PLEKHG5: variants seen among roughly 807,000 people sequenced by gnomAD.
PLEKHG5 encodes the protein pleckstrin homology and RhoGEF domain containing G5.
In PLEKHG5, 52 loss-of-function variants were observed where a neutral mutation model predicts 103.8. That is an observed-to-expected ratio of 0.50 (90% confidence interval 0.40 to 0.63). The LOEUF (loss-of-function observed/expected upper bound fraction) is 0.63. Ranked by LOEUF, PLEKHG5 falls within the 30% of genes least tolerant of loss-of-function variation. PLEKHG5 has a pLI of 0.00. For missense variants in PLEKHG5, 1,205 were observed against 1,347.6 expected, an observed-to-expected ratio of 0.89 and a Z score of 1.66; for synonymous variants, 592 against 575.5, an observed-to-expected ratio of 1.03 and a Z score of -0.41.
At chr1:6,478,981 G>A (rs1043790756) in intron 1 of PLEKHG5, among the ~76,000 whole-genome samples, 1 of 152,068 alleles carries the variant, frequency 6.6e-6, no homozygotes, top group Non-Finnish European at 1.5e-5. Flanking sequence ...AAAATTATAA[G>A]AATAGCACAT....
chr1:6,469,122 T>TTCCTCCTCCTCCTCC lies in PLEKHG5; in HGVS notation c.2154_2168dup (p.Glu719_Glu723dup). ...CAGCTGAAGTGCCACTGTCCTCGCC[T>TTCCTCCTCCTCCTCC]TCCTCCTCCTCCTCCTCCTCCTCCT... On this transcript the variant is annotated inframe_insertion, in exon 19 of 21. Transcript: ENST00000377728. 6.3e-7 allele frequency: 1 copy of TTCCTCCTCCTCCTCC among 1,590,450 alleles called. No homozygotes were observed. The highest frequency in any genetic ancestry group is 1.1e-5 in the South Asian group (1 of 90,466).
intron 1 of PLEKHG5, among the ~76,000 whole-genome samples, chr1:6,489,965 T>A (rs1645116421): frequency 6.6e-6 from 1 of 152,148 alleles, no homozygotes; most frequent in African/African-American, 2.4e-5. Flanking sequence ...CCTCCCCGGA[T>A]TCACGGGTCT....
intron 3 of PLEKHG5, 38 bp from the exon 4 acceptor site, chr1:6,475,560 G>C (rs1477121405): frequency 1.3e-6 from 2 of 1,582,626 alleles, no homozygotes; most frequent in African/African-American, 2.7e-5. Context: ...TGGAGGTGTG[G>C]GTGGCCCTCG....
At chr1:6,511,335 A>G (rs1638465629) in intron 1 of PLEKHG5, among the ~76,000 whole-genome samples, 1 of 152,146 alleles carries the variant, frequency 6.6e-6, no homozygotes, top group African/African-American at 2.4e-5. Flanking sequence ...TGGACCAAAG[A>G]GGACAGGCAC....
intron 1 of PLEKHG5, among the ~76,000 whole-genome samples, chr1:6,484,445 C>T (rs1349295733): frequency 2.6e-5 from 4 of 152,214 alleles, no homozygotes; most frequent in African/African-American, 7.2e-5. Flanking sequence ...AGGTGGTTTC[C>T]GACTTCGTCG....
intron 1 of PLEKHG5, among the ~76,000 whole-genome samples, chr1:6,513,117 C>A (rs1570007858): frequency 6.6e-6 from 1 of 152,248 alleles, no homozygotes; most frequent in Non-Finnish European, 1.5e-5. Context: ...CTGTGGAGCT[C>A]CCCTCGCTCC....
intron 10 of PLEKHG5, 29 bp from the exon 11 acceptor site, chr1:6,471,837 G>A (rs1266411777): frequency 1.3e-6 from 2 of 1,586,870 alleles, no homozygotes; most frequent in Non-Finnish European, 1.7e-6. Flanking sequence ...GTGTGACTGG[G>A]GTCGGGAGGC....
At chr1:6,518,453 G>A (rs1453727905) in intron 1 of PLEKHG5, among the ~76,000 whole-genome samples, 2 of 151,246 alleles carry the variant, frequency 1.3e-5, no homozygotes, top group Admixed American at 6.6e-5. Context: ...CCAGCTACTC[G>A]GGAGGCTGAG....
At chr1:6,494,199 C>T (rs1298015583), upstream of PLEKHG5, among the ~76,000 whole-genome samples, 3 of 140,254 alleles carry the variant, frequency 2.1e-5, no homozygotes, top group Non-Finnish European at 4.5e-5. Context: ...GGCATGATCT[C>T]AGTTCACTGC....
In PLEKHG5 at chr1:6,467,860, C is replaced by G; in HGVS notation, c.2976G>C (p.Arg992Ser). 2.5e-6 allele frequency: 4 copies of G among 1,613,110 alleles called. No homozygotes were observed. Among genetic ancestry groups the G allele is most frequent in the Non-Finnish European group, 3.4e-6 (4 of 1,179,818 alleles). Residue 992 changes from arginine (R) to serine (S), a missense_variant, in exon 20 of 21, where the codon AGG becomes AGC. Physicochemically the swap from Arg to Ser is moderately radical, Grantham distance 110. Transcript: ENST00000377728. ...KLTLAQLYRI[R>S]TTLLLNSTLT... ...GCGTGGAGTTAAGCAGCAGGGTGGTCCTGATTCGGTAGAGCTGGGCCAGGG... is the reference window on the plus strand; with the variant it reads ...GCGTGGAGTTAAGCAGCAGGGTGGTGCTGATTCGGTAGAGCTGGGCCAGGG...
intron 14 of PLEKHG5, 36 bp downstream of exon 14, chr1:6,470,699 G>A (rs777909467): frequency 1.3e-6 from 2 of 1,552,418 alleles, no homozygotes; most frequent in Non-Finnish European, 8.7e-7. Flanking sequence ...AGAGAGCCGC[G>A]CAGGGGGGAC....
At chr1:6,470,707 G>A (rs75081587) in intron 14 of PLEKHG5, 28 bp downstream of exon 14, 3 of 1,551,222 alleles carry the variant, frequency 1.9e-6, no homozygotes, top group African/African-American at 2.7e-5. Context: ...GCGCAGGGGG[G>A]ACGGCTCCCG....
upstream of PLEKHG5, among the ~76,000 whole-genome samples, chr1:6,495,311 T>C (rs1187915845): frequency 6.6e-6 from 1 of 152,160 alleles, no homozygotes; most frequent in Non-Finnish European, 1.5e-5. Context: ...CCACGGCAAC[T>C]GGAGGCCGCC....
upstream of PLEKHG5, among the ~76,000 whole-genome samples, chr1:6,498,388 A>C (rs1224190436): frequency 6.6e-6 from 1 of 152,004 alleles, no homozygotes; most frequent in African/African-American, 2.4e-5. Context: ...CTCACAGGTG[A>C]CCAGAAACTG....
Position 6,490,818 on chromosome 1 carries a change from G to A in PLEKHG5, c.-88+819C>T, listed in dbSNP as rs1382483252. 6.6e-6 allele frequency among the ~76,000 whole-genome samples: 1 copy of A among 152,160 alleles called. No individual in the cohort carries two copies. Among genetic ancestry groups the A allele is most frequent in the Non-Finnish European group, 1.5e-5 (1 of 68,024 alleles). ...GTCCCCGAGGGGCCAGCCCTTTGCA[G>A]ATCTCCAAAAAGTTCAAAGTCCCTG... On this transcript the variant is annotated intron_variant, in intron 1 of 20. Coordinates refer to ENST00000377728, the MANE Select transcript of PLEKHG5 (RefSeq NM_020631.6). The surrounding 1 kb of genome is among the most constrained non-coding windows in gnomAD (Gnocchi z 8.0).
In PLEKHG5 at chr1:6,477,524, C is replaced by T; in HGVS notation, c.43+5G>A. On this transcript the variant is annotated splice_donor_5th_base_variant and intron_variant, in intron 2 of 20. Coordinates refer to ENST00000377728, the MANE Select transcript of PLEKHG5 (RefSeq NM_020631.6). The stretch of plus-strand genomic sequence containing the variant: ...GGCCGAGCTGCGGCTCCCGCCTGTG[C>T]TCACCTTGTGGGGGAAGGTCGAAGC... The T allele has an allele frequency of 1.9e-6, 3 of 1,611,310 alleles. No homozygotes were observed. The highest frequency in any genetic ancestry group is 2.5e-6 in the Non-Finnish European group (3 of 1,179,910).
upstream of PLEKHG5, among the ~76,000 whole-genome samples, chr1:6,500,298 C>G (rs1645280967): frequency 6.6e-6 from 1 of 152,142 alleles, no homozygotes; most frequent in Non-Finnish European, 1.5e-5. Context: ...AAAAGGGGAG[C>G]AGCCCCTCAG....
rs915911016 is a variant in PLEKHG5, at chr1:6,505,511, C to A, written c.-164-8942G>T. Among the ~76,000 whole-genome samples the A allele has an allele frequency of 6.6e-6, 1 of 152,224 alleles. No individual in the cohort carries two copies. Among genetic ancestry groups the A allele is most frequent in the Non-Finnish European group, 1.5e-5 (1 of 68,044 alleles). On this transcript the variant is annotated intron_variant, in intron 1 of 21. Transcript: ENST00000377740. This position sits in a 1 kb window ranked among gnomAD's most constrained non-coding sequence, Gnocchi z 4.2. ...CCAGGAGCAGTCCAACGTCCCACCC[C>A]TCTAAACACAAGCCACGGGGCTCAG...
chr1:6,509,510 AGGACCC>A, intron 1 of PLEKHG5, among the ~76,000 whole-genome samples: 1 of 152,328 alleles, frequency 6.6e-6, no homozygotes, highest in African/African-American at 2.4e-5. Context: ...AACAGGTGGC[AGGACCC>A]GGCCATCGAC....
Sources: gnomAD v4.1 joint callset for allele counts (sites outside exome capture counted in the v4.1 genomes callset) on GRCh38, gnomAD v4.1.1 for gene constraint, Gnocchi (gnomAD v3.1) non-coding constraint, MANE v1.5 for transcripts, NCBI Gene and HGNC (gene_info 2026-07-23, HGNC 2026-07-21) for gene names.